ERICH6B: variants seen among roughly 807,000 people sequenced by gnomAD.
The protein encoded by ERICH6B is glutamate-rich protein 6B.
ERICH6B carries 69 observed loss-of-function variants against 80.0 expected under a neutral mutation model. The observed-to-expected ratio is 0.86, with a 90% CI of 0.71 to 1.05. The LOEUF is 1.05. ERICH6B is among the 50% of genes least tolerant of loss of function. The pLI, the probability that ERICH6B is intolerant of heterozygous loss-of-function variation, is 0.00. For synonymous variants in ERICH6B, 283 were observed against 291.9 expected, an observed-to-expected ratio of 0.97 and a Z score of 0.31; for missense variants, 754 against 796.1, an observed-to-expected ratio of 0.95 and a Z score of 0.64.
chr13:45,543,469 C>T (rs185191273), intron 14 of ERICH6B, among the ~76,000 whole-genome samples: 1 of 152,310 alleles, frequency 6.6e-6, no homozygotes, highest in East Asian at 1.9e-4. Context: ...GATCCAACTA[C>T]TGGTGTCCTT....
At chr13:45,609,784 T>C (rs1410322261) in intron 1 of ERICH6B, among the ~76,000 whole-genome samples, 1 of 152,232 alleles carries the variant, frequency 6.6e-6, no homozygotes, top group African/African-American at 2.4e-5. Flanking sequence ...CATCACTTAA[T>C]GATGGGGATA....
intron 1 of ERICH6B, among the ~76,000 whole-genome samples, chr13:45,613,687 C>A (rs1486352137): frequency 6.6e-6 from 1 of 152,130 alleles, no homozygotes; most frequent in Non-Finnish European, 1.5e-5. Context: ...AAGCATCAGT[C>A]TGAGAGGGCA....
At chr13:45,562,960 A>G (rs1874752288) in intron 10 of ERICH6B, among the ~76,000 whole-genome samples, 1 of 152,170 alleles carries the variant, frequency 6.6e-6, no homozygotes, top group Non-Finnish European at 1.5e-5. Flanking sequence ...GATTAGTGCT[A>G]TGTCTCCCAT....
At chr13:45,590,930 C>T (rs750902771) in intron 3 of ERICH6B, among the ~76,000 whole-genome samples, 6 of 152,120 alleles carry the variant, frequency 3.9e-5, no homozygotes, top group Non-Finnish European at 7.3e-5. Flanking sequence ...TTTGGAAATT[C>T]GAGTTTGCTT....
intron 5 of ERICH6B, among the ~76,000 whole-genome samples, chr13:45,586,069 G>T (rs374029494): frequency 1.3e-5 from 2 of 152,062 alleles, no homozygotes; most frequent in South Asian, 2.1e-4. Flanking sequence ...AGATTTTCTC[G>T]GTGGTCATGC....
intron 2 of ERICH6B, among the ~76,000 whole-genome samples, chr13:45,602,287 G>T (rs1949831992): frequency 6.6e-6 from 1 of 152,190 alleles, no homozygotes; most frequent in Non-Finnish European, 1.5e-5. Flanking sequence ...TTTTCTTGGT[G>T]ATGCTTTGTT....
intron 2 of ERICH6B, among the ~76,000 whole-genome samples, chr13:45,605,694 A>G (rs1267349326): frequency 4.6e-5 from 7 of 152,330 alleles, no homozygotes; most frequent in Non-Finnish European, 5.9e-5. Flanking sequence ...CCCCCTGCAC[A>G]CTGGCTTTAG....
At chr13:45,562,626 C>G (rs1874734026) in intron 10 of ERICH6B, among the ~76,000 whole-genome samples, 1 of 152,082 alleles carries the variant, frequency 6.6e-6, no homozygotes, top group African/African-American at 2.4e-5. Context: ...CGCCGTGCAT[C>G]CCATGATTGA....
At chr13:45,589,570 C>G (rs940883011) in intron 4 of ERICH6B, among the ~76,000 whole-genome samples, 1 of 152,184 alleles carries the variant, frequency 6.6e-6, no homozygotes, top group Admixed American at 6.5e-5. Context: ...CCCCATTTTA[C>G]AGATGAGGAA....
At chr13:45,589,537 C>T (rs1456552358) in intron 4 of ERICH6B, among the ~76,000 whole-genome samples, 3 of 152,148 alleles carry the variant, frequency 2.0e-5, no homozygotes, top group East Asian at 1.9e-4. Context: ...ACCAAAACCC[C>T]GTGAGGCTGG....
At position 45,541,391 on chromosome 13, in the gene ERICH6B, T is replaced by G. The variant is rs1873764910; in HGVS notation, c.*71A>C. 5 of 1,362,962 alleles carry G rather than the reference T, an allele frequency of 3.7e-6. No homozygotes were observed. The highest frequency in any genetic ancestry group is 4.0e-6 in the Non-Finnish European group (4 of 992,856). The allele number at this position is 1,362,962 out of a possible 1,614,324, so 84.4% of individuals were successfully genotyped here. A position where few individuals can be genotyped will look rare whatever the true frequency, so the allele number is the denominator to read the frequency against. Reference sequence around the variant, plus strand: ...CATAAAAGGTCAACAGGTCTTTGGGTTTTTTTTCCCTGGAGCTCCCAAGGT... The same window carrying G: ...CATAAAAGGTCAACAGGTCTTTGGGGTTTTTTTCCCTGGAGCTCCCAAGGT... On this transcript the variant is annotated 3_prime_UTR_variant, in exon 15 of 15. Coordinates refer to ENST00000298738, the MANE Select transcript of ERICH6B (RefSeq NM_182542.3).
intron 9 of ERICH6B, among the ~76,000 whole-genome samples, chr13:45,567,260 T>C (rs1479512501): frequency 6.6e-6 from 1 of 152,240 alleles, no homozygotes; most frequent in Non-Finnish European, 1.5e-5. Context: ...GACTTCGGAC[T>C]GTAAACTTTT....
intron 5 of ERICH6B, among the ~76,000 whole-genome samples, chr13:45,584,170 G>A (rs994621271): frequency 6.6e-6 from 1 of 152,212 alleles, no homozygotes; most frequent in African/African-American, 2.4e-5. Context: ...CTGTGAGCAT[G>A]GATGTAATGC....
At chr13:45,589,270 T>C (rs1288071334) in intron 4 of ERICH6B, among the ~76,000 whole-genome samples, 1 of 152,042 alleles carries the variant, frequency 6.6e-6, no homozygotes, top group Non-Finnish European at 1.5e-5. Flanking sequence ...CCCCAGGGCC[T>C]CTCTGATCCT....
intron 1 of ERICH6B, among the ~76,000 whole-genome samples, chr13:45,613,966 A>G (rs1050862649): frequency 5.9e-5 from 9 of 152,212 alleles, no homozygotes; most frequent in African/African-American, 1.9e-4. Flanking sequence ...ATTTGCTGCC[A>G]GGGTCTGTCT....
chr13:45,589,779 C>T (rs886694139), intron 4 of ERICH6B, among the ~76,000 whole-genome samples: 6 of 152,022 alleles, frequency 3.9e-5, no homozygotes, highest in East Asian at 2.0e-4. Flanking sequence ...TTGGGGTGAA[C>T]GGGGGCCTTT....
At chr13:45,543,663 T>A (rs1197343740) in intron 14 of ERICH6B, among the ~76,000 whole-genome samples, 1 of 152,214 alleles carries the variant, frequency 6.6e-6, no homozygotes, top group Non-Finnish European at 1.5e-5. Context: ...CACCTTGATC[T>A]CAGACTTGGC....
At chr13:45,606,547 A>ATATT (rs1949866973) in intron 2 of ERICH6B, among the ~76,000 whole-genome samples, 6 of 16,616 alleles carry the variant, frequency 3.6e-4, no homozygotes, top group African/African-American at 8.9e-4. Flanking sequence ...ATATATATAT[A>ATATT]TTTTTTTTTT....
Position 45,549,938 on chromosome 13 carries a change from T to C in ERICH6B, c.1601A>G (p.Asn534Ser). ...SLEGRIRALI[N>S]NSGNATFYDE... ...ATAGAAGGTAGCATTGCCTGAGTTG[T>C]TGATAAGGGCCCGGATCCTCCCTTC... Residue 534 changes from asparagine to serine, a missense_variant, in exon 13 of 15, where the codon AAC (asparagine) becomes AGC (serine). Asn to Ser is a conservative substitution (Grantham distance 46). Transcript: ENST00000298738. 1.3e-6 allele frequency: 2 copies of C among 1,551,690 alleles called. No individual in the cohort carries two copies. The highest frequency in any genetic ancestry group is 1.7e-6 in the Non-Finnish European group (2 of 1,146,996).
Sources: allele counts gnomAD v4.1 joint callset (sites outside exome capture counted in the v4.1 genomes callset), GRCh38; gene constraint gnomAD v4.1.1; transcripts MANE v1.5; gene names NCBI Gene and HGNC (gene_info 2026-07-23, HGNC 2026-07-21).